The following RBPMS variants were observed in gnomAD, a reference collection of about 807,000 sequenced individuals.
RBPMS encodes the protein RNA-binding protein with multiple splicing.
In RBPMS, 7 loss-of-function variants were observed where a neutral mutation model predicts 26.8. The ratio of observed to expected loss-of-function variants is 0.26; its 90% CI spans 0.15 to 0.49. The LOEUF is 0.49. Ranked by LOEUF, RBPMS falls within the 20% of genes least tolerant of loss-of-function variation. RBPMS has a pLI of 0.98. For missense variants in RBPMS, 186 were observed against 250.0 expected, an observed-to-expected ratio of 0.74 and a Z score of 1.73; for synonymous variants, 96 against 93.3, an observed-to-expected ratio of 1.03 and a Z score of -0.17.
intron 6 of RBPMS, among the ~76,000 whole-genome samples, chr8:30,549,802 TCTC>T (rs1826184875): frequency 3.8e-5 from 3 of 78,272 alleles, no homozygotes; most frequent in Admixed American, 1.3e-4. Context: ...CTCTCCCCTC[TCTC>T]CTCTCTCTCT....
chr8:30,443,683 C>T (rs762667620), intron 1 of RBPMS, among the ~76,000 whole-genome samples: 4 of 152,114 alleles, frequency 2.6e-5, no homozygotes, highest in Non-Finnish European at 4.4e-5. Context: ...CAACCTCTGC[C>T]TCCCAGGTTC....
chr8:30,392,247 C>T (rs994591038), intron 1 of RBPMS, among the ~76,000 whole-genome samples: 2 of 152,004 alleles, frequency 1.3e-5, no homozygotes, highest in African/African-American at 4.8e-5. Flanking sequence ...TTAAAGATGA[C>T]GTATGAGCTA....
At chr8:30,554,155 G>A (rs1400923578) in intron 6 of RBPMS, among the ~76,000 whole-genome samples, 6 of 152,224 alleles carry the variant, frequency 3.9e-5, no homozygotes, top group Non-Finnish European at 8.8e-5. Flanking sequence ...CTGCATTCAG[G>A]TACAGCATCT....
intron 5 of RBPMS, among the ~76,000 whole-genome samples, chr8:30,522,839 T>C (rs185209987): frequency 3.6e-4 from 55 of 152,348 alleles, no homozygotes; most frequent in African/African-American, 1.3e-3. Context: ...ATAAAGTTTT[T>C]TGTCATATAC....
chr8:30,517,212 G>A (rs894286560), intron 5 of RBPMS, among the ~76,000 whole-genome samples: 3 of 150,102 alleles, frequency 2.0e-5, no homozygotes, highest in African/African-American at 7.4e-5. Flanking sequence ...GTGTGTGTGT[G>A]TGTGTGTGTG....
intron 1 of RBPMS, among the ~76,000 whole-genome samples, chr8:30,389,062 G>A (rs1807462808): frequency 6.6e-6 from 1 of 152,110 alleles, no homozygotes; most frequent in South Asian, 2.1e-4. Flanking sequence ...AGTTTGATGT[G>A]GCAACCTCAA....
At chr8:30,568,269 T>C (rs1163958783) in intron 8 of RBPMS, among the ~76,000 whole-genome samples, 2 of 152,138 alleles carry the variant, frequency 1.3e-5, no homozygotes, top group African/African-American at 2.4e-5. Flanking sequence ...CAGGAAGCCT[T>C]AGAAACTCTT....
intron 1 of RBPMS, chr8:30,385,513 T>A (rs1806939094): frequency 5.1e-6 from 1 of 194,548 alleles, no homozygotes; most frequent in Admixed American, 6.1e-5. Context: ...CTGGAAATTG[T>A]GTATGGATTC....
rs1290638580 is a variant in RBPMS at position 30,511,482 on chromosome 8, AAAAAATATATATATATATATAT to A, written c.397+7048_397+7069del. On this transcript the variant is annotated intron_variant, in intron 5 of 8. Transcript: ENST00000397323. ...TTAAAACAAAAAAAGAAAAAAAAAAAAAAAATATATATATATATATATATATATATATATATATATATATTTC... is the reference window on the plus strand; with the variant it reads ...TTAAAACAAAAAAAGAAAAAAAAAAAATATATATATATATATATATATTTC... Among the ~76,000 whole-genome samples the A allele has an allele frequency of 4.9e-3, 33 of 6,792 alleles. 1 individual carries two copies. The highest frequency in any genetic ancestry group is 0.018 in the East Asian group (2 of 114). 4.5% of individuals were successfully genotyped at this position (6,792 alleles called of 152,430 possible). A position where few individuals can be genotyped will look rare whatever the true frequency, so the allele number is the denominator to read the frequency against.
intron 1 of RBPMS, among the ~76,000 whole-genome samples, chr8:30,448,108 C>T (rs1225509851): frequency 6.6e-6 from 1 of 152,178 alleles, no homozygotes; most frequent in Non-Finnish European, 1.5e-5. Context: ...AGATGGTTTA[C>T]AATTGTAGTG....
rs765373306 is a variant in RBPMS at position 30,475,547 on chromosome 8, G to A, written c.144+691G>A. 2.4e-4 allele frequency among the ~76,000 whole-genome samples: 37 copies of A among 152,324 alleles called. 1 individual carries two copies. The highest frequency in any genetic ancestry group is 4.4e-4 in the Non-Finnish European group (30 of 68,026). On this transcript the variant is annotated intron_variant, in intron 2 of 8. Coordinates refer to ENST00000397323, the MANE Select transcript of RBPMS (RefSeq NM_001008710.3). The stretch of plus-strand genomic sequence containing the variant: ...AAGTCTTAAGTTGGTCAGTGTGGAT[G>A]TGTTAGCAGCAGTGCCTGGCAGAGA...
intron 1 of RBPMS, among the ~76,000 whole-genome samples, chr8:30,429,397 T>G (rs1811693831): frequency 6.6e-6 from 1 of 152,176 alleles, no homozygotes; most frequent in Non-Finnish European, 1.5e-5. Flanking sequence ...AAACTAAATT[T>G]TGACTAAATT....
intron 3 of RBPMS, among the ~76,000 whole-genome samples, chr8:30,478,709 A>G (rs193271047): frequency 1.4e-3 from 213 of 152,278 alleles, no homozygotes; most frequent in Non-Finnish European, 2.5e-3. Flanking sequence ...CATGTTGGCC[A>G]GGATGGTCTT....
chr8:30,496,798 T>G (rs1820010879), intron 4 of RBPMS, among the ~76,000 whole-genome samples: 1 of 152,232 alleles, frequency 6.6e-6, no homozygotes, highest in Non-Finnish European at 1.5e-5. Flanking sequence ...TGTCTCTCAG[T>G]GAGTCCTGTG....
intron 1 of RBPMS, among the ~76,000 whole-genome samples, chr8:30,420,950 A>G (rs1810710420): frequency 6.6e-6 from 1 of 152,222 alleles, no homozygotes; most frequent in African/African-American, 2.4e-5. Flanking sequence ...CAGGCTAGTT[A>G]GTATTTTAGT....
Position 30,534,131 on chromosome 8 carries a change from A to G in RBPMS, c.398-10363A>G, listed in dbSNP as rs890812784. Among the ~76,000 whole-genome samples, 199 of 148,474 alleles carry G rather than the reference A, an allele frequency of 1.3e-3. 1 individual carries two copies. Among genetic ancestry groups the G allele is most frequent in the African/African-American group, 4.5e-3 (172 of 38,328 alleles). ...CCGGGTGACAGCACGAGACTCTCAAAAAAAAAAAAAATTGTTTTTGTACTC... is the reference window on the plus strand; with the variant it reads ...CCGGGTGACAGCACGAGACTCTCAAGAAAAAAAAAAATTGTTTTTGTACTC... On this transcript the variant is annotated intron_variant, in intron 5 of 8. Transcript: ENST00000397323.
chr8:30,429,932 G>A (rs1460220900), intron 1 of RBPMS, among the ~76,000 whole-genome samples: 1 of 152,160 alleles, frequency 6.6e-6, no homozygotes, highest in African/African-American at 2.4e-5. Context: ...AAATACTTTT[G>A]ATTATAGCCA....
At chr8:30,496,333 T>A (rs1819950699) in intron 4 of RBPMS, among the ~76,000 whole-genome samples, 1 of 152,110 alleles carries the variant, frequency 6.6e-6, no homozygotes, top group African/African-American at 2.4e-5. Flanking sequence ...CACGCCCGGC[T>A]AATTTTTTGT....
intron 6 of RBPMS, among the ~76,000 whole-genome samples, chr8:30,549,890 G>T (rs1481923431): frequency 7.1e-6 from 1 of 140,902 alleles, no homozygotes; most frequent in African/African-American, 2.7e-5. Context: ...TCGCTCTGTC[G>T]CCCAGGCTGG....
Sources: gnomAD v4.1 joint callset for allele counts (sites outside exome capture counted in the v4.1 genomes callset) on GRCh38, gnomAD v4.1.1 for gene constraint, MANE v1.5 for transcripts, NCBI Gene and HGNC (gene_info 2026-07-23, HGNC 2026-07-21) for gene names.